AGMO: variants seen among roughly 807,000 people sequenced by gnomAD.
The protein encoded by AGMO is glyceryl-ether monooxygenase.
In AGMO, 75 loss-of-function variants were observed where a neutral mutation model predicts 60.2. The observed-to-expected ratio is 1.25, with a 90% CI of 1.03 to 1.51. AGMO has a LOEUF of 1.51. AGMO is among the 40% of genes most tolerant of loss of function. AGMO has a pLI of 0.00. For synonymous variants in AGMO, 261 were observed against 177.1 expected (o/e 1.47, Z -3.76); for missense variants, 763 against 525.5 (o/e 1.45, Z -4.42).
intron 12 of AGMO, among the ~76,000 whole-genome samples, chr7:15,301,112 G>A (rs572213588): frequency 3.9e-5 from 6 of 152,158 alleles, no homozygotes; most frequent in Middle Eastern, 6.8e-3. Flanking sequence ...TGTGTTTGTG[G>A]GTGAAATTAA....
intron 3 of AGMO, among the ~76,000 whole-genome samples, chr7:15,441,467 A>G (rs1781551968): frequency 6.6e-6 from 1 of 152,208 alleles, no homozygotes; most frequent in Non-Finnish European, 1.5e-5. Flanking sequence ...TCATGCTTAA[A>G]TACATTCAAA....
At chr7:15,386,771 C>G (rs1196320000) in intron 9 of AGMO, among the ~76,000 whole-genome samples, 1 of 152,136 alleles carries the variant, frequency 6.6e-6, no homozygotes, top group Non-Finnish European at 1.5e-5. Flanking sequence ...GAAATCACAA[C>G]TTATATTCTA....
intron 5 of AGMO, among the ~76,000 whole-genome samples, chr7:15,398,166 T>C (rs1288091974): frequency 6.6e-6 from 1 of 152,058 alleles, no homozygotes; most frequent in Non-Finnish European, 1.5e-5. Context: ...CAGCTTCTGC[T>C]CCCCAGATGA....
chr7:15,247,583 T>C (rs1782785643), intron 12 of AGMO, among the ~76,000 whole-genome samples: 1 of 151,912 alleles, frequency 6.6e-6, no homozygotes, highest in Non-Finnish European at 1.5e-5. Context: ...TCCTCAAACA[T>C]ACACAGACAC....
intron 10 of AGMO, among the ~76,000 whole-genome samples, chr7:15,383,907 G>A (rs754102919): frequency 4.6e-5 from 7 of 151,838 alleles, no homozygotes; most frequent in Admixed American, 6.6e-5. Context: ...TTAGCACTGT[G>A]TAATGGATGA....
At chr7:15,486,594 T>C (rs1028115277) in intron 3 of AGMO, among the ~76,000 whole-genome samples, 5 of 152,094 alleles carry the variant, frequency 3.3e-5, no homozygotes, top group African/African-American at 9.7e-5. Flanking sequence ...TGAAAGGAAA[T>C]AGTACCATAA....
intron 12 of AGMO, among the ~76,000 whole-genome samples, chr7:15,273,559 G>A (rs1056286751): frequency 5.3e-5 from 8 of 152,172 alleles, no homozygotes; most frequent in African/African-American, 1.9e-4. Context: ...GTAGTGTGAT[G>A]CCTCCAGCTT....
chr7:15,451,856 A>G (rs1174542788), intron 3 of AGMO, among the ~76,000 whole-genome samples: 2 of 152,210 alleles, frequency 1.3e-5, no homozygotes, highest in Non-Finnish European at 2.9e-5. Flanking sequence ...GAAGGAAGGT[A>G]CAGAACAGTT....
chr7:15,366,357 T>G (rs1191611097), intron 10 of AGMO, 135 bp from the exon 11 acceptor site: 2 of 528,490 alleles, frequency 3.8e-6, no homozygotes, highest in Admixed American at 3.7e-5. Flanking sequence ...ACAGAAAGCT[T>G]GACTACACAG....
At chr7:15,289,074 A>T (rs1209891693) in intron 12 of AGMO, among the ~76,000 whole-genome samples, 2 of 151,890 alleles carry the variant, frequency 1.3e-5, no homozygotes, top group African/African-American at 4.8e-5. Flanking sequence ...ATTGTTTTCA[A>T]ATCTTAACAG....
intron 12 of AGMO, among the ~76,000 whole-genome samples, chr7:15,350,409 A>G (rs186967414): frequency 5.9e-5 from 9 of 152,326 alleles, no homozygotes; most frequent in Non-Finnish European, 1.0e-4. Context: ...GGAGTATGTA[A>G]GCATGAGAGA....
intron 12 of AGMO, among the ~76,000 whole-genome samples, chr7:15,339,024 T>C (rs6970793): frequency 0.041 from 6,264 of 152,244 alleles, 438 homozygotes; most frequent in African/African-American, 0.14. Context: ...TCTTGGGTAT[T>C]GGAATCAGCA....
intron 3 of AGMO, among the ~76,000 whole-genome samples, chr7:15,454,378 C>CAT (rs35788445): frequency 1.7e-5 from 1 of 57,442 alleles, no homozygotes; most frequent in African/African-American, 9.1e-5. Flanking sequence ...CACACACACA[C>CAT]AAACACACAA....
chr7:15,390,073 G>A (rs1451840318), intron 8 of AGMO, among the ~76,000 whole-genome samples: 1 of 151,896 alleles, frequency 6.6e-6, no homozygotes, highest in African/African-American at 2.4e-5. Context: ...AGTATTTGTG[G>A]TGGTCTGACT....
At chr7:15,272,906 A>G (rs552152868) in intron 12 of AGMO, among the ~76,000 whole-genome samples, 2 of 152,086 alleles carry the variant, frequency 1.3e-5, no homozygotes, top group South Asian at 2.1e-4. Context: ...GCATTTTTTC[A>G]TGTGTCTGTT....
chr7:15,547,918 C>G (rs1302958695), intron 2 of AGMO, among the ~76,000 whole-genome samples: 1 of 152,178 alleles, frequency 6.6e-6, no homozygotes, highest in Non-Finnish European at 1.5e-5. Context: ...ATGTCCCTGT[C>G]TGATAGCTTT....
At chr7:15,340,134 C>T (rs899913802) in intron 12 of AGMO, among the ~76,000 whole-genome samples, 4 of 152,108 alleles carry the variant, frequency 2.6e-5, no homozygotes, top group Non-Finnish European at 4.4e-5. Flanking sequence ...GAACCCAAGC[C>T]TAAACTCAAA....
At chr7:15,306,443 C>T (rs965063502) in intron 12 of AGMO, 1 of 453,476 alleles carries the variant, frequency 2.2e-6, no homozygotes, top group Non-Finnish European at 4.5e-6. Context: ...TAATAGGAAA[C>T]ATATTCTTCT....
the AGMO span, among the ~76,000 whole-genome samples, chr7:15,166,802 G>A: frequency 6.6e-6 from 1 of 152,082 alleles, no homozygotes; most frequent in African/African-American, 2.4e-5. Context: ...AGGAGTCCAG[G>A]ATGATGCAAG....
Sources: gnomAD v4.1 joint callset for allele counts (sites outside exome capture counted in the v4.1 genomes callset) on GRCh38, gnomAD v4.1.1 for gene constraint, MANE v1.5 for transcripts, NCBI Gene and HGNC (gene_info 2026-07-23, HGNC 2026-07-21) for gene names.